YY1: variants seen among roughly 807,000 people sequenced by gnomAD.
YY1 encodes transcriptional repressor protein YY1.
In YY1, 2 loss-of-function variants were observed where a neutral mutation model predicts 35.6. That is an observed-to-expected ratio of 0.06 (90% CI 0.02 to 0.18). The LOEUF (loss-of-function observed/expected upper bound fraction) is 0.18, where lower values mean the gene tolerates loss of function less well. Among genes scored for constraint, YY1 ranks in the 10% least tolerant of loss-of-function variants. The pLI, the probability that YY1 is intolerant of heterozygous loss-of-function variation, is 1.00. For missense variants in YY1, 322 were observed against 573.4 expected, an observed-to-expected ratio of 0.56 and a Z score of 4.48; for synonymous variants, 268 against 238.9, an observed-to-expected ratio of 1.12 and a Z score of -1.12.
intron 2 of YY1, among the ~76,000 whole-genome samples, chr14:100,272,590 A>C (rs949211019): frequency 6.6e-6 from 1 of 151,950 alleles, no homozygotes. Flanking sequence ...TTGTAACAAA[A>C]GAGTGGTGGT....
chr14:100,260,070 C>A (rs565614974), intron 1 of YY1, among the ~76,000 whole-genome samples: 2 of 151,796 alleles, frequency 1.3e-5, no homozygotes, highest in African/African-American at 4.8e-5. Flanking sequence ...AGAGGGAAGA[C>A]TGGTGTTTTT....
Position 100,276,822 on chromosome 14 carries a change from G to C in YY1, c.1062+174G>C, listed in dbSNP as rs1383667117. 8 of 831,946 alleles carry C rather than the reference G, an allele frequency of 9.6e-6. No individual in the cohort carries two copies. The highest frequency in any genetic ancestry group is 6.8e-5 in the African/African-American group (4 of 58,898). The allele number at this position is 831,946 out of a possible 1,614,324, so 51.5% of individuals were successfully genotyped here. ...CGCTTAGAAGGGTTGCCGGGGCTCT[G>C]GACATCCTTGTCTATACTCTGTGGT... is the stretch of plus-strand genomic sequence containing the variant. On this transcript the variant is annotated intron_variant, in intron 4 of 4. Coordinates refer to ENST00000262238, the MANE Select transcript of YY1 (RefSeq NM_003403.5). This position sits in a 1 kb window ranked among gnomAD's most constrained non-coding sequence, Gnocchi z 4.1.
At chr14:100,262,882 C>T (rs530043907) in intron 2 of YY1, among the ~76,000 whole-genome samples, 3 of 152,276 alleles carry the variant, frequency 2.0e-5, no homozygotes, top group African/African-American at 7.2e-5. Flanking sequence ...ATCTTCCACA[C>T]TGCCTTATGG....
At chr14:100,270,456 C>CAA (rs34083329) in intron 2 of YY1, among the ~76,000 whole-genome samples, 1,087 of 98,044 alleles carry the variant, frequency 0.011, 33 homozygotes, top group African/African-American at 0.041. Context: ...ACTAAAAATA[C>CAA]AAAAAAAAAA....
rs1049492422 is a variant in YY1, at chr14:100,280,459, G to GA, written c.*2860dup. ...TCCCCCTTTTTGGTAGTGGAGTTGA[G>GA]AGGGGGAGCATACTATTTGTATAAA... On this transcript the variant is annotated 3_prime_UTR_variant, in exon 5 of 5. Coordinates refer to ENST00000262238, the MANE Select transcript of YY1 (RefSeq NM_003403.5). 22 of 152,094 alleles carry GA rather than the reference G, an allele frequency of 1.4e-4. No homozygotes were observed. The highest frequency in any genetic ancestry group is 5.1e-4 in the African/African-American group (21 of 41,398). 9.4% of individuals were successfully genotyped at this position (152,094 alleles called of 1,614,324 possible). A position where few individuals can be genotyped will look rare whatever the true frequency, so the allele number is the denominator to read the frequency against.
chr14:100,243,714 G>A (rs1302613859), intron 1 of YY1, among the ~76,000 whole-genome samples: 2 of 151,992 alleles, frequency 1.3e-5, no homozygotes, highest in Non-Finnish European at 2.9e-5. Flanking sequence ...AGATTGAGGT[G>A]GGAGGATCTC....
chr14:100,267,178 A>G (rs1891167935), intron 2 of YY1, among the ~76,000 whole-genome samples: 1 of 152,168 alleles, frequency 6.6e-6, no homozygotes, highest in South Asian at 2.1e-4. Flanking sequence ...GGAGTAGGGC[A>G]AAGAAAGCTG....
intron 1 of YY1, among the ~76,000 whole-genome samples, chr14:100,256,157 T>C (rs572925073): frequency 6.6e-6 from 1 of 151,472 alleles, no homozygotes; most frequent in Admixed American, 6.6e-5. Flanking sequence ...AAAAAAAACA[T>C]CTATATGCCA....
Position 100,277,776 on chromosome 14 carries a change from A to G in YY1, c.*176A>G. On this transcript the variant is annotated 3_prime_UTR_variant, in exon 5 of 5. Coordinates refer to ENST00000262238, the MANE Select transcript of YY1 (RefSeq NM_003403.5). This position sits in a 1 kb window ranked among gnomAD's most constrained non-coding sequence, Gnocchi z 5.6. ...AAAATTAAAAAAAAAAAACTTTACT[A>G]AGATGACATTGCTAAGATGCTCTAT... 1 of 701,396 alleles carries G rather than the reference A, an allele frequency of 1.4e-6. No individual in the cohort carries two copies. Among genetic ancestry groups the G allele is most frequent in the Non-Finnish European group, 2.3e-6 (1 of 429,734 alleles). 43.4% of individuals were successfully genotyped at this position (701,396 alleles called of 1,614,324 possible).
intron 2 of YY1, among the ~76,000 whole-genome samples, chr14:100,270,608 G>A (rs1024111676): frequency 1.3e-5 from 2 of 152,102 alleles, no homozygotes; most frequent in South Asian, 2.1e-4. Context: ...GGGCAAAAGA[G>A]TGAAACTCCA....
At chr14:100,267,725 T>C (rs1343787780) in intron 2 of YY1, among the ~76,000 whole-genome samples, 3 of 152,138 alleles carry the variant, frequency 2.0e-5, no homozygotes, top group Admixed American at 6.5e-5. Flanking sequence ...GGTTTCACCA[T>C]GTTGGCCAAG....
intron 1 of YY1, among the ~76,000 whole-genome samples, chr14:100,240,812 C>G (rs578210624): frequency 6.6e-6 from 1 of 151,452 alleles, no homozygotes; most frequent in South Asian, 2.1e-4. Flanking sequence ...TTTTTTCCCT[C>G]AAGTATTTAG....
At chr14:100,274,872 A>C in intron 3 of YY1, 114 bp downstream of exon 3, 1 of 1,070,680 alleles carries the variant, frequency 9.3e-7, no homozygotes, top group South Asian at 1.4e-5. Context: ...GCAAGGAATT[A>C]GAATCTTCGG....
At chr14:100,260,948 C>G (rs536844992) in intron 1 of YY1, among the ~76,000 whole-genome samples, 1 of 150,914 alleles carries the variant, frequency 6.6e-6, no homozygotes, top group African/African-American at 2.4e-5. Context: ...GGCATGCACC[C>G]CATGCCTGGC....
In YY1 at chr14:100,278,601, A is replaced by G. The variant is rs924374104; in HGVS notation, c.*1001A>G. ...TCAAGTTTCCTTTATTTTGCACTCAATTACAGTGATTATTGATGAAAGCGA... is the reference window on the plus strand; with the variant it reads ...TCAAGTTTCCTTTATTTTGCACTCAGTTACAGTGATTATTGATGAAAGCGA... On this transcript the variant is annotated 3_prime_UTR_variant, in exon 5 of 5. Coordinates refer to ENST00000262238, the MANE Select transcript of YY1 (RefSeq NM_003403.5). 6 of 152,250 alleles carry G rather than the reference A, an allele frequency of 3.9e-5. No homozygotes were observed. The highest frequency in any genetic ancestry group is 2.0e-4 in the Admixed American group (3 of 15,270). The allele number at this position is 152,250 out of a possible 1,614,324, so 9.4% of individuals were successfully genotyped here.
intron 2 of YY1, among the ~76,000 whole-genome samples, chr14:100,273,915 A>C (rs2139601821): frequency 6.6e-6 from 1 of 152,288 alleles, no homozygotes; most frequent in African/African-American, 2.4e-5. Flanking sequence ...CTCTCTGGAC[A>C]GTAATTTCAC....
chr14:100,249,641 G>A (rs181937103), intron 1 of YY1, among the ~76,000 whole-genome samples: 47 of 152,102 alleles, frequency 3.1e-4, no homozygotes, highest in African/African-American at 9.9e-4. Context: ...TGTATAGGTG[G>A]AAAAGAAGTA....
At chr14:100,257,710 C>G (rs895674988) in intron 1 of YY1, among the ~76,000 whole-genome samples, 1 of 152,178 alleles carries the variant, frequency 6.6e-6, no homozygotes, top group African/African-American at 2.4e-5. Context: ...TCTTGGACTT[C>G]TAGCTTCCGA....
chr14:100,271,299 G>T (rs1891235399), intron 2 of YY1, among the ~76,000 whole-genome samples: 1 of 152,112 alleles, frequency 6.6e-6, no homozygotes, highest in Non-Finnish European at 1.5e-5. Flanking sequence ...TGTTTGAGTG[G>T]AATAGAGACC....
Sources: allele counts gnomAD v4.1 joint callset (sites outside exome capture counted in the v4.1 genomes callset), GRCh38; gene constraint gnomAD v4.1.1; non-coding constraint Gnocchi (gnomAD v3.1); transcripts MANE v1.5; gene names NCBI Gene and HGNC (gene_info 2026-07-23, HGNC 2026-07-21).